POP1: variants seen among roughly 807,000 people sequenced by gnomAD.
POP1 encodes the protein POP1 ribonuclease P/MRP subunit, also known as ribonucleases P/MRP protein subunit POP1.
A neutral mutation model predicts 102.2 loss-of-function variants in POP1; 75 were observed. The observed-to-expected ratio is 0.73, with a 90% CI of 0.61 to 0.89. POP1 has a LOEUF of 0.89. Ranked by LOEUF, POP1 falls within the 40% of genes least tolerant of loss-of-function variation. The pLI is 0.00. For synonymous variants in POP1, 436 were observed against 464.1 expected (o/e 0.94, Z 0.78); for missense variants, 1,116 against 1,267.4 (o/e 0.88, Z 1.81).
At position 98,158,549 on chromosome 8, in the gene POP1, T is replaced by G. The variant is rs1809719309; in HGVS notation, c.*278T>G. On this transcript the variant is annotated 3_prime_UTR_variant, in exon 16 of 16. Coordinates refer to ENST00000401707, the MANE Select transcript of POP1 (RefSeq NM_001145860.2). ...TCTGTGTAGTTGTGGCTGAAAATAA[T>G]GAGAAGCTCTACGAGTTATCATCCC... The G allele has an allele frequency of 7.9e-6, 3 of 377,468 alleles. No individual in the cohort carries two copies. Among genetic ancestry groups the G allele is most frequent in the Non-Finnish European group, 4.8e-6 (1 of 207,316 alleles). The allele number at this position is 377,468 out of a possible 1,614,324, so 23.4% of individuals were successfully genotyped here.
chr8:98,157,168 C>T (rs924094412), intron 15 of POP1, among the ~76,000 whole-genome samples: 1 of 152,142 alleles, frequency 6.6e-6, no homozygotes, highest in Non-Finnish European at 1.5e-5. Flanking sequence ...TGAGCCACTG[C>T]GCCCGGCCTG....
chr8:98,135,624 A>T (rs748137771), intron 7 of POP1, among the ~76,000 whole-genome samples: 2 of 151,674 alleles, frequency 1.3e-5, no homozygotes, highest in Non-Finnish European at 1.5e-5. Flanking sequence ...CAGTTTCAAA[A>T]TTTTTTTTTG....
Position 98,148,984 on chromosome 8 carries a change from G to T in POP1, c.1880G>T (p.Gly627Val). Residue 627 changes from glycine (G) to valine (V), a missense_variant, in exon 13 of 16, where the codon GGC (glycine) becomes GTC (valine). Transcript: ENST00000401707. ...GATGTCCTACTCCCAAAGGGCTGGG[G>T]CATGGCTTTCTGGATTCCATTTGTA... is the stretch of plus-strand genomic sequence containing the variant. ...GWDVLLPKGW[G>V]MAFWIPFIYR... The T allele has an allele frequency of 2.5e-6, 4 of 1,613,328 alleles. No homozygotes were observed. The highest frequency in any genetic ancestry group is 3.4e-6 in the Non-Finnish European group (4 of 1,179,566).
intron 11 of POP1, among the ~76,000 whole-genome samples, chr8:98,143,668 G>C (rs796247626): frequency 1.3e-5 from 2 of 152,092 alleles, no homozygotes; most frequent in South Asian, 4.1e-4. Flanking sequence ...GCATCATACA[G>C]AATAGATTCA....
chr8:98,131,046 C>T (rs1186018125), intron 5 of POP1, among the ~76,000 whole-genome samples: 1 of 152,204 alleles, frequency 6.6e-6, no homozygotes, highest in Non-Finnish European at 1.5e-5. Context: ...CTATTGGTGT[C>T]CTTTGATACC....
intron 9 of POP1, among the ~76,000 whole-genome samples, chr8:98,138,199 G>T (rs916367430): frequency 1.3e-5 from 2 of 152,124 alleles, no homozygotes; most frequent in Non-Finnish European, 2.9e-5. Context: ...ATTCCCTCTT[G>T]TTGCTTCCTG....
At chr8:98,155,662 A>G (rs182725831) in intron 14 of POP1, among the ~76,000 whole-genome samples, 22 of 151,852 alleles carry the variant, frequency 1.4e-4, no homozygotes, top group South Asian at 2.1e-4. Context: ...GCTCACTGCA[A>G]CCTCTGCCTC....
At chr8:98,117,457 C>G (rs924966005) in intron 1 of POP1, 67 bp downstream of exon 1, 16 of 276,170 alleles carry the variant, frequency 5.8e-5, no homozygotes, top group Non-Finnish European at 9.9e-5. Flanking sequence ...GGCGGCCCCC[C>G]TCCCGGCGCC....
At position 98,136,671 on chromosome 8, in the gene POP1, G is replaced by C. The variant is rs140243288; in HGVS notation, c.1201G>C (p.Gly401Arg). 1 of 1,612,482 alleles carries C rather than the reference G, an allele frequency of 6.2e-7. No homozygotes were observed. Among genetic ancestry groups the C allele is most frequent in the Admixed American group, 1.7e-5 (1 of 59,962 alleles). ...ENAKPIKKIIGDGTRDPCLPY... is the reference protein window; with the variant it reads ...ENAKPIKKIIRDGTRDPCLPY... ...TGCTAAACCAATTAAAAAAATTATC[G>C]GTGATGGAACTAGAGATCCATGTCT... The change falls in exon 8 of 16, where the codon GGT becomes CGT. Residue 401 changes from glycine to arginine, a missense_variant. Physicochemically the swap from Gly to Arg is moderately radical, Grantham distance 125. Coordinates refer to ENST00000401707, the MANE Select transcript of POP1 (RefSeq NM_001145860.2).
chr8:98,148,444 C>T (rs143236199), intron 12 of POP1, among the ~76,000 whole-genome samples: 3 of 152,270 alleles, frequency 2.0e-5, no homozygotes, highest in East Asian at 3.9e-4. Flanking sequence ...TCTAGTTGCC[C>T]ATCCTTGAGA....
chr8:98,130,490 AACTGGAAGGCGTCCCCCAG>A lies in POP1; in HGVS notation c.735+266_735+284del, dbSNP rs1172868674. Among the ~76,000 whole-genome samples the A allele has an allele frequency of 7.9e-5, 12 of 152,266 alleles. No homozygotes were observed. The South Asian group carries it at 2.1e-3, about 26-fold the overall frequency. On this transcript the variant is annotated intron_variant, in intron 5 of 15. Transcript: ENST00000401707. Reference sequence around the variant, plus strand: ...ACAGTATGATGAGCATTTCTAACCTAACTGGAAGGCGTCCCCCAGAAGTGCTGTTTGAGCTGAGCTCTAA... The same window carrying A: ...ACAGTATGATGAGCATTTCTAACCTAAAGTGCTGTTTGAGCTGAGCTCTAA...
intron 5 of POP1, among the ~76,000 whole-genome samples, chr8:98,131,353 A>G (rs1816375946): frequency 6.6e-6 from 1 of 152,134 alleles, no homozygotes; most frequent in African/African-American, 2.4e-5. Flanking sequence ...ATCATACAAT[A>G]TTTGTCTTTT....
chr8:98,139,998 G>A, intron 9 of POP1, 80 bp from the exon 10 acceptor site: 1 of 1,059,110 alleles, frequency 9.4e-7, no homozygotes. Flanking sequence ...AGAAAGAGTG[G>A]GGGCTGATAT....
rs544393398 is a variant in POP1 at position 98,125,140 on chromosome 8, A to G, written c.142+1661A>G. Among the ~76,000 whole-genome samples, 5 of 151,550 alleles carry G rather than the reference A, an allele frequency of 3.3e-5. No homozygotes were observed. In the East Asian group the frequency reaches 9.7e-4, roughly 29 times the overall value. On this transcript the variant is annotated intron_variant, in intron 2 of 15. Transcript: ENST00000401707. ...CACAATTGAAATAAGCAGAAACACT[A>G]TAAAATTCTCTACTGATCTCTCCCT...
intron 11 of POP1, among the ~76,000 whole-genome samples, chr8:98,141,811 A>C (rs1333289857): frequency 6.8e-6 from 1 of 148,034 alleles, no homozygotes; most frequent in Non-Finnish European, 1.5e-5. Flanking sequence ...CAGGTGATCC[A>C]CCCACTTCAG....
Position 98,125,028 on chromosome 8 carries a change from A to G in POP1, c.142+1549A>G, listed in dbSNP as rs189675957. 4.6e-5 allele frequency among the ~76,000 whole-genome samples: 7 copies of G among 152,330 alleles called. No homozygotes were observed. In the East Asian group the frequency reaches 1.2e-3, roughly 25 times the overall value. On this transcript the variant is annotated intron_variant, in intron 2 of 15. Transcript: ENST00000401707. Reference sequence around the variant, plus strand: ...TCAGATCCTACAGTTGATGCCTACCATGCCATATGATAAGGCTTTCACATT... The same window carrying G: ...TCAGATCCTACAGTTGATGCCTACCGTGCCATATGATAAGGCTTTCACATT...
At chr8:98,121,435 A>T (rs1816016480) in intron 1 of POP1, among the ~76,000 whole-genome samples, 1 of 151,362 alleles carries the variant, frequency 6.6e-6, no homozygotes, top group Non-Finnish European at 1.5e-5. Context: ...GACCAGGGAT[A>T]TTAGACAGCC....
Position 98,156,513 on chromosome 8 carries a change from A to G in POP1, c.2420+101A>G, listed in dbSNP as rs1344894057. The G allele has an allele frequency of 3.4e-6, 5 of 1,465,344 alleles. No individual in the cohort carries two copies. In the Admixed American group the frequency reaches 5.8e-5, roughly 17 times the overall value. The allele number at this position is 1,465,344 out of a possible 1,614,324, so 90.8% of individuals were successfully genotyped here. A position where few individuals can be genotyped will look rare whatever the true frequency, so the allele number is the denominator to read the frequency against. On this transcript the variant is annotated intron_variant, in intron 15 of 15. Transcript: ENST00000401707. The stretch of plus-strand genomic sequence containing the variant: ...ATCACTGTTTGTTTATGCAAAATCC[A>G]AGTGAATTTATAGGCTTTCTGGAAG...
At chr8:98,143,943 C>G (rs1203100240) in intron 11 of POP1, among the ~76,000 whole-genome samples, 1 of 151,754 alleles carries the variant, frequency 6.6e-6, no homozygotes, top group East Asian at 1.9e-4. Flanking sequence ...CACCTGTGGT[C>G]AGGAGTTCGA....
Sources: gnomAD v4.1 joint callset for allele counts (sites outside exome capture counted in the v4.1 genomes callset) on GRCh38, gnomAD v4.1.1 for gene constraint, MANE v1.5 for transcripts, NCBI Gene and HGNC (gene_info 2026-07-23, HGNC 2026-07-21) for gene names.